Variants in AFM observed in about 807,000 individuals in gnomAD.
AFM encodes afamin, also known as alpha-Alb.
A neutral mutation model predicts 68.7 loss-of-function variants in AFM; 82 were observed. The observed-to-expected ratio is 1.19, with a 90% CI of 1.00 to 1.43. The LOEUF (loss-of-function observed/expected upper bound fraction) is 1.43, where lower values mean the gene tolerates loss of function less well. AFM is among the 40% of genes most tolerant of loss of function. The pLI, the probability that AFM is intolerant of heterozygous loss-of-function variation, is 0.00. For synonymous variants in AFM, 250 were observed against 234.2 expected (o/e 1.07, Z -0.61); for missense variants, 772 against 701.8 (o/e 1.10, Z -1.13).
At chr4:73,484,495 T>TTTCA (rs1720827150) in intron 3 of AFM, 105 bp downstream of exon 3, 1 of 731,462 alleles carries the variant, frequency 1.4e-6, no homozygotes, top group Non-Finnish European at 1.9e-6. Flanking sequence ...TCTTTCTTTC[T>TTTCA]TTCTTTCTTT....
rs1427149796 is a variant in AFM, at chr4:73,501,779, G to C, written c.1647-8G>C. 2 of 1,609,344 alleles carry C rather than the reference G, an allele frequency of 1.2e-6. No homozygotes were observed. The highest frequency in any genetic ancestry group is 1.7e-6 in the Non-Finnish European group (2 of 1,178,052). ...TAATTAATTTTATTTGACATCTTTTGGCCACAGGTTTCTTGTCAACTTAGT... is the reference window on the plus strand; with the variant it reads ...TAATTAATTTTATTTGACATCTTTTCGCCACAGGTTTCTTGTCAACTTAGT... On this transcript the variant is annotated splice_region_variant and splice_polypyrimidine_tract_variant and intron_variant, in intron 12 of 14. Transcript: ENST00000226355.
Position 73,487,967 on chromosome 4 carries a change from G to A in AFM, c.713+146G>A, listed in dbSNP as rs545252032. The A allele has an allele frequency of 6.2e-4, 347 of 560,944 alleles. 3 individuals are homozygous for A. Among genetic ancestry groups the A allele is most frequent in the African/African-American group, 6.1e-3 (327 of 53,258 alleles). 34.7% of individuals were successfully genotyped at this position (560,944 alleles called of 1,614,324 possible). ...GTCTGAGCCTACTTAGACAGCTCAG[G>A]ACCAGGACATTAGGTTGAGATGAGA... On this transcript the variant is annotated intron_variant, in intron 6 of 14. Transcript: ENST00000226355.
intron 7 of AFM, among the ~76,000 whole-genome samples, chr4:73,490,187 CA>C (rs374246384): frequency 0.037 from 3,435 of 92,664 alleles, 83 homozygotes; most frequent in African/African-American, 0.1. Context: ...AACCTTATTT[CA>C]AAAAAAAAAA....
In AFM at chr4:73,484,340, A is replaced by G; in HGVS notation, c.220A>G (p.Lys74Glu). 6.2e-7 allele frequency: 1 copy of G among 1,613,074 alleles called. No individual in the cohort carries two copies. Reference sequence around the variant, plus strand: ...GCTGGTGAAAGACATGGTAGAATACAAAGACAGATGTATGGCTGACAAGAC... The same window carrying G: ...GCTGGTGAAAGACATGGTAGAATACGAAGACAGATGTATGGCTGACAAGAC... ...EKLVKDMVEY[K>E]DRCMADKTLP... Residue 74 changes from lysine (K) to glutamate (E), a missense_variant, in exon 3 of 15, where the codon AAA (lysine) becomes GAA (glutamate). By Grantham distance (56) the Lys-to-Glu change is moderately conservative (BLOSUM62 1). Coordinates refer to ENST00000226355, the MANE Select transcript of AFM (RefSeq NM_001133.2).
At position 73,500,078 on chromosome 4, in the gene AFM, T is replaced by TA. The variant is rs1197511154; in HGVS notation, c.1501dup (p.Thr501AsnfsTer11). 3 of 1,613,964 alleles carry TA rather than the reference T, an allele frequency of 1.9e-6. No individual in the cohort carries two copies. The African/African-American group carries it at 4.0e-5, about 22-fold the overall frequency. ...TCAACCCTGCTGTGGACCACTGCTG[T>TA]AAAACAAACTTTGCCTTCAGAAGGC... is the stretch of plus-strand genomic sequence containing the variant. On this transcript the variant is annotated frameshift_variant, in exon 12 of 15. Transcript: ENST00000226355. LOFTEE classifies it high-confidence loss of function.
Position 73,487,790 on chromosome 4 carries a change from T to C in AFM, c.682T>C (p.Leu228=), listed in dbSNP as rs1236386845. 1.2e-6 allele frequency: 2 copies of C among 1,612,540 alleles called. No individual in the cohort carries two copies. Among genetic ancestry groups the C allele is most frequent in the South Asian group, 1.1e-5 (1 of 91,012 alleles). The part of the protein sequence containing the change: ...SYQKHVCGAL[L]KFGTKVVHFI... ...TCAAAAACATGTCTGTGGGGCACTTTTGAAATTTGGAACCAAAGTTGTACA... is the reference window on the plus strand; with the variant it reads ...TCAAAAACATGTCTGTGGGGCACTTCTGAAATTTGGAACCAAAGTTGTACA... Residue 228 remains leucine (L), a synonymous_variant, in exon 6 of 15, where the codon TTG becomes CTG. Transcript: ENST00000226355.
At chr4:73,484,446 C>CTT in intron 3 of AFM, 56 bp downstream of exon 3, 1 of 180,800 alleles carries the variant, frequency 5.5e-6, no homozygotes, top group Non-Finnish European at 1.0e-5. Context: ...CTTTCTCTTT[C>CTT]TTTCTTTCTT....
rs1465632493 is a variant in AFM, at chr4:73,503,115, T to C, written c.*40+5T>C. 3.1e-6 allele frequency: 5 copies of C among 1,601,370 alleles called. No homozygotes were observed. Among genetic ancestry groups the C allele is most frequent in the Non-Finnish European group, 4.3e-6 (5 of 1,168,916 alleles). Reference sequence around the variant, plus strand: ...GTAAAGAAAAAAGCACCAAAGGTAATACCCTCTGCCTCATTCAAATGTCAA... The same window carrying C: ...GTAAAGAAAAAAGCACCAAAGGTAACACCCTCTGCCTCATTCAAATGTCAA... On this transcript the variant is annotated splice_donor_5th_base_variant and intron_variant, in intron 14 of 14. Coordinates refer to ENST00000226355, the MANE Select transcript of AFM (RefSeq NM_001133.2).
At chr4:73,497,956 G>A (rs1721304144) in intron 10 of AFM, among the ~76,000 whole-genome samples, 1 of 152,162 alleles carries the variant, frequency 6.6e-6, no homozygotes, top group African/African-American at 2.4e-5. Context: ...AGAAATACAG[G>A]ATTCTGGAGA....
At chr4:73,489,040 G>A (rs1720994973) in intron 7 of AFM, among the ~76,000 whole-genome samples, 1 of 152,088 alleles carries the variant, frequency 6.6e-6, no homozygotes, top group Non-Finnish European at 1.5e-5. Context: ...AGTTCATTTA[G>A]TACAGATTGA....
intron 12 of AFM, 114 bp downstream of exon 12, chr4:73,500,341 C>G: frequency 1.1e-6 from 1 of 946,816 alleles, no homozygotes; most frequent in East Asian, 2.6e-5. Flanking sequence ...CTGTTCCTTC[C>G]ACCAAATTGT....
chr4:73,491,641 A>G (rs1273218278), intron 7 of AFM, among the ~76,000 whole-genome samples: 1 of 152,234 alleles, frequency 6.6e-6, no homozygotes, highest in Non-Finnish European at 1.5e-5. Context: ...AATCTATAGT[A>G]CAGCCTATTT....
intron 11 of AFM, among the ~76,000 whole-genome samples, chr4:73,499,672 G>A (rs1721369660): frequency 6.6e-6 from 1 of 152,138 alleles, no homozygotes; most frequent in Admixed American, 6.6e-5. Context: ...CAGATGCCAG[G>A]AGGGGAAGAA....
intron 8 of AFM, among the ~76,000 whole-genome samples, chr4:73,494,905 G>A (rs187065591): frequency 6.1e-4 from 93 of 152,312 alleles, no homozygotes; most frequent in African/African-American, 2.2e-3. Context: ...TTGTGGGCGG[G>A]AAGGAAGCCA....
chr4:73,487,887 A>G lies in AFM; in HGVS notation c.713+66A>G, dbSNP rs559545764. The G allele has an allele frequency of 2.7e-4, 310 of 1,148,274 alleles. 2 individuals carry two copies. Among genetic ancestry groups the G allele is most frequent in the Non-Finnish European group, 3.0e-5 (23 of 767,554 alleles). 71.1% of individuals were successfully genotyped at this position (1,148,274 alleles called of 1,614,324 possible). A position where few individuals can be genotyped will look rare whatever the true frequency, so the allele number is the denominator to read the frequency against. ...CTTGTCTGTGTCCCATTTTTGTTAA[A>G]TGGTTGATAACTTTTTATTTATATT... On this transcript the variant is annotated intron_variant, in intron 6 of 14. Transcript: ENST00000226355.
chr4:73,488,549 T>C, intron 6 of AFM, 81 bp from the exon 7 acceptor site: 1 of 1,274,758 alleles, frequency 7.8e-7, no homozygotes, highest in Non-Finnish European at 1.1e-6. Context: ...TTGTAGCTAT[T>C]CATATCATAT....
chr4:73,484,470 C>CTTTCTTTCTTTCTT (rs1720819043), intron 3 of AFM, 80 bp downstream of exon 3: 7 of 551,450 alleles, frequency 1.3e-5, no homozygotes, highest in African/African-American at 4.2e-5. Context: ...TTCTTTCTTT[C>CTTTCTTTCTTTCTT]TTTCTTTCTT....
At chr4:73,491,566 T>C (rs1174762519) in intron 7 of AFM, among the ~76,000 whole-genome samples, 1 of 152,202 alleles carries the variant, frequency 6.6e-6, no homozygotes, top group Non-Finnish European at 1.5e-5. Context: ...ACATTTAGAA[T>C]ATAAGATGTA....
chr4:73,490,363 C>A (rs528793908), intron 7 of AFM, among the ~76,000 whole-genome samples: 66 of 152,182 alleles, frequency 4.3e-4, no homozygotes, highest in African/African-American at 1.5e-3. Flanking sequence ...TTAAATCAAT[C>A]TCCTTTGCGA....
Sources: allele counts gnomAD v4.1 joint callset (sites outside exome capture counted in the v4.1 genomes callset), GRCh38; gene constraint gnomAD v4.1.1; transcripts MANE v1.5; gene names NCBI Gene and HGNC (gene_info 2026-07-23, HGNC 2026-07-21).